MED27: variants seen among roughly 807,000 people sequenced by gnomAD.
MED27 encodes the protein mediator complex subunit 27.
In MED27, 30 loss-of-function variants were observed where a neutral mutation model predicts 38.2. That is an observed-to-expected ratio of 0.79 (90% CI 0.59 to 1.07). The LOEUF (loss-of-function observed/expected upper bound fraction) is 1.07, where lower values mean the gene tolerates loss of function less well. Ranked by LOEUF, MED27 falls within the 50% of genes least tolerant of loss-of-function variation. MED27 has a pLI of 0.00. For synonymous variants in MED27, 122 were observed against 153.5 expected, an observed-to-expected ratio of 0.79 and a Z score of 1.52; for missense variants, 289 against 397.5, an observed-to-expected ratio of 0.73 and a Z score of 2.32.
intron 2 of MED27, among the ~76,000 whole-genome samples, chr9:132,040,920 A>G (rs957121942): frequency 6.6e-6 from 1 of 152,178 alleles, no homozygotes; most frequent in Non-Finnish European, 1.5e-5. Flanking sequence ...CTGGTTCCAA[A>G]GAGTTAAGCT....
chr9:131,932,987 A>T (rs967541104), intron 4 of MED27, among the ~76,000 whole-genome samples: 2 of 152,216 alleles, frequency 1.3e-5, no homozygotes, highest in Non-Finnish European at 2.9e-5. Context: ...AATGTGAAAC[A>T]TCATATGAAC....
chr9:132,010,079 C>A (rs1336613239), intron 3 of MED27, among the ~76,000 whole-genome samples: 1 of 152,186 alleles, frequency 6.6e-6, no homozygotes, highest in East Asian at 1.9e-4. Flanking sequence ...AATTAGATCC[C>A]ATTTGTCAAT....
chr9:131,995,218 T>C (rs1437535803), intron 3 of MED27, among the ~76,000 whole-genome samples: 5 of 152,104 alleles, frequency 3.3e-5, no homozygotes, highest in Admixed American at 3.3e-4. Flanking sequence ...AAAAGCTTTG[T>C]GTCACATGTC....
intron 2 of MED27, among the ~76,000 whole-genome samples, chr9:132,053,685 T>C (rs923484910): frequency 2.4e-4 from 36 of 152,230 alleles, no homozygotes; most frequent in African/African-American, 8.7e-4. Context: ...AGACCCAGCT[T>C]GGTAACTCTG....
chr9:132,077,433 C>A lies in MED27; in HGVS notation c.348+9G>T. 1 of 1,610,942 alleles carries A rather than the reference C, an allele frequency of 6.2e-7. No homozygotes were observed. The highest frequency in any genetic ancestry group is 1.1e-5 in the South Asian group (1 of 90,296). On this transcript the variant is annotated intron_variant, in intron 2 of 7. Coordinates refer to ENST00000292035, the MANE Select transcript of MED27 (RefSeq NM_004269.4). ...CATATATTAGCTCCGTTTATTACATCTCCCTTACCTTGTTTGACCACTTAT... is the reference window on the plus strand; with the variant it reads ...CATATATTAGCTCCGTTTATTACATATCCCTTACCTTGTTTGACCACTTAT...
chr9:132,067,254 G>C (rs186175281), intron 2 of MED27, among the ~76,000 whole-genome samples: 1 of 152,338 alleles, frequency 6.6e-6, no homozygotes, highest in Admixed American at 6.5e-5. Context: ...TCACAGTCCA[G>C]CAGGTGTCAG....
intron 2 of MED27, among the ~76,000 whole-genome samples, chr9:132,065,493 C>A (rs1833790526): frequency 6.6e-6 from 1 of 152,194 alleles, no homozygotes; most frequent in Non-Finnish European, 1.5e-5. Context: ...TTCTTTTGTG[C>A]CCCCTCCCAC....
intron 2 of MED27, among the ~76,000 whole-genome samples, chr9:132,059,608 C>T (rs1405116265): frequency 6.6e-6 from 1 of 152,096 alleles, no homozygotes; most frequent in Non-Finnish European, 1.5e-5. Flanking sequence ...TGCTGAGCCG[C>T]GACAGTGGAA....
chr9:131,941,476 T>G (rs560228293), intron 3 of MED27, among the ~76,000 whole-genome samples: 18 of 152,264 alleles, frequency 1.2e-4, no homozygotes, highest in African/African-American at 4.3e-4. Flanking sequence ...TATCAGGTTT[T>G]CCTTAGAGAA....
At chr9:132,077,362 T>A in intron 2 of MED27, 80 bp downstream of exon 2, 1 of 1,355,590 alleles carries the variant, frequency 7.4e-7, no homozygotes, top group Non-Finnish European at 1.0e-6. Flanking sequence ...AATAAAAACA[T>A]ACTCTTGCTT....
At position 131,860,519 on chromosome 9, in the gene MED27, G is replaced by T; in HGVS notation, c.*19C>A. 6.7e-7 allele frequency: 1 copy of T among 1,501,664 alleles called. No individual in the cohort carries two copies. The highest frequency in any genetic ancestry group is 8.9e-7 in the Non-Finnish European group (1 of 1,125,608). The allele number at this position is 1,501,664 out of a possible 1,614,324, so 93.0% of individuals were successfully genotyped here. A position where few individuals can be genotyped will look rare whatever the true frequency, so the allele number is the denominator to read the frequency against. On this transcript the variant is annotated 3_prime_UTR_variant, in exon 8 of 8. Coordinates refer to ENST00000292035, the MANE Select transcript of MED27 (RefSeq NM_004269.4). This position sits in a 1 kb window ranked among gnomAD's most constrained non-coding sequence, Gnocchi z 5.8. ...GGGAAGGTGCTGGGTGGGGTCTGAG[G>T]CTGGGGCCAGCGTGGGGGCTACTGC...
chr9:132,077,384 G>A lies in MED27; in HGVS notation c.348+58C>T. ...ACATACTCTTGCTTTCTGCATGTAT[G>A]GAATATAAGAAAACTTGGTTTTCCA... On this transcript the variant is annotated intron_variant, in intron 2 of 7. Coordinates refer to ENST00000292035, the MANE Select transcript of MED27 (RefSeq NM_004269.4). The A allele has an allele frequency of 3.3e-6, 5 of 1,496,808 alleles. No homozygotes were observed. The South Asian group carries it at 4.7e-5, about 14-fold the overall frequency. 92.7% of individuals were successfully genotyped at this position (1,496,808 alleles called of 1,614,324 possible).
chr9:132,013,540 G>A (rs946684239), intron 3 of MED27, among the ~76,000 whole-genome samples: 1 of 152,180 alleles, frequency 6.6e-6, no homozygotes, highest in Non-Finnish European at 1.5e-5. Flanking sequence ...GAAGCTTACT[G>A]TATCTGTTAT....
rs114854140 is a variant in MED27 at position 132,070,275 on chromosome 9, G to T, written c.348+7167C>A. Reference sequence around the variant, plus strand: ...ATATTGTCCTAAAGAAACAGGGCTTGCCGAGCATGGTGGCTCATGCCTGTA... The same window carrying T: ...ATATTGTCCTAAAGAAACAGGGCTTTCCGAGCATGGTGGCTCATGCCTGTA... On this transcript the variant is annotated intron_variant, in intron 2 of 7. Transcript: ENST00000292035. Among the ~76,000 whole-genome samples, 1,030 of 152,348 alleles carry T rather than the reference G, an allele frequency of 6.8e-3. 15 individuals carry two copies. The highest frequency in any genetic ancestry group is 0.024 in the African/African-American group (982 of 41,568).
intron 4 of MED27, among the ~76,000 whole-genome samples, chr9:131,916,473 T>C (rs1442901877): frequency 6.6e-6 from 1 of 152,240 alleles, no homozygotes; most frequent in Non-Finnish European, 1.5e-5. Context: ...TTGACTGCAG[T>C]GGGTTTGGAG....
intron 2 of MED27, among the ~76,000 whole-genome samples, chr9:132,022,550 A>T (rs1262829897): frequency 6.6e-6 from 1 of 152,232 alleles, no homozygotes; most frequent in Non-Finnish European, 1.5e-5. Flanking sequence ...TTCCTAGTAC[A>T]AAAATCAACA....
At position 132,032,269 on chromosome 9, in the gene MED27, A is replaced by T. The variant is rs184036232; in HGVS notation, c.349-17802T>A. ...GGCATTTTAAGTCTCATGAAATAAA[A>T]TCATGTTTTTAGGCTCCTTTTTATA... On this transcript the variant is annotated intron_variant, in intron 2 of 7. Transcript: ENST00000292035. 546 of 152,346 alleles carry T rather than the reference A, an allele frequency of 3.6e-3. 3 individuals are homozygous for T. Among genetic ancestry groups the T allele is most frequent in the African/African-American group, 0.012 (515 of 41,576 alleles). 9.4% of individuals were successfully genotyped at this position (152,346 alleles called of 1,614,324 possible).
chr9:132,037,712 G>A (rs909993325), intron 2 of MED27, among the ~76,000 whole-genome samples: 1 of 152,108 alleles, frequency 6.6e-6, no homozygotes, highest in African/African-American at 2.4e-5. Flanking sequence ...AATGACAATG[G>A]CATTGCAAAG....
chr9:132,026,363 G>T (rs1832818713), intron 2 of MED27, among the ~76,000 whole-genome samples: 1 of 152,182 alleles, frequency 6.6e-6, no homozygotes, highest in African/African-American at 2.4e-5. Flanking sequence ...TAAGTACCTG[G>T]CAAGCAGGGA....
Sources: allele counts gnomAD v4.1 joint callset (sites outside exome capture counted in the v4.1 genomes callset), GRCh38; gene constraint gnomAD v4.1.1; non-coding constraint Gnocchi (gnomAD v3.1); transcripts MANE v1.5; gene names NCBI Gene and HGNC (gene_info 2026-07-23, HGNC 2026-07-21).